The following ICA1 variants were observed in gnomAD, a reference collection of about 807,000 sequenced individuals.
The protein encoded by ICA1 is islet cell autoantigen 1.
Under a neutral mutation model 71.0 loss-of-function variants are expected in ICA1, and 40 were observed. That is an observed-to-expected ratio of 0.56 (90% CI 0.44 to 0.73). The LOEUF is 0.73. ICA1 is among the 30% of genes least tolerant of loss of function. The pLI is 0.00. For missense variants in ICA1, 578 were observed against 576.5 expected (o/e 1.00, Z -0.03); for synonymous variants, 207 against 209.5 (o/e 0.99, Z 0.10).
intron 6 of ICA1, among the ~76,000 whole-genome samples, chr7:8,159,824 A>G (rs1803086707): frequency 6.6e-6 from 1 of 152,212 alleles, no homozygotes; most frequent in South Asian, 2.1e-4. Flanking sequence ...AAAACCAGCC[A>G]ATTTTTCAAA....
rs528098283 is a variant in ICA1, at chr7:8,124,444, T to C, written c.1330+3429A>G. 2.1e-5 allele frequency among the ~76,000 whole-genome samples: 3 copies of C among 145,026 alleles called. No individual in the cohort carries two copies. The East Asian group carries it at 6.0e-4, about 29-fold the overall frequency. On this transcript the variant is annotated intron_variant, in intron 13 of 13. Coordinates refer to ENST00000402384, the MANE Select transcript of ICA1 (RefSeq NM_001136020.3). ...GTGTATAGGTAGATTTTCTAGGCCA[T>C]GAATGCAGTGAAAAAAAAAAAAAAA...
chr7:8,227,310 C>A (rs987951597), intron 4 of ICA1, among the ~76,000 whole-genome samples: 1 of 152,072 alleles, frequency 6.6e-6, no homozygotes, highest in African/African-American at 2.4e-5. Context: ...GTTAGTAAAC[C>A]AAGTGAGAGA....
chr7:8,115,920 G>A (rs1784658585), intron 13 of ICA1, among the ~76,000 whole-genome samples: 1 of 152,174 alleles, frequency 6.6e-6, no homozygotes, highest in Non-Finnish European at 1.5e-5. Flanking sequence ...GGTATTTCTG[G>A]CTAAAAATAG....
intron 6 of ICA1, among the ~76,000 whole-genome samples, chr7:8,182,981 T>C (rs1782681230): frequency 6.6e-6 from 1 of 152,212 alleles, no homozygotes; most frequent in Non-Finnish European, 1.5e-5. Flanking sequence ...ACAGGGGACA[T>C]GCAATGACTA....
intron 4 of ICA1, among the ~76,000 whole-genome samples, chr7:8,225,580 C>T (rs1164063449): frequency 6.6e-6 from 1 of 152,204 alleles, no homozygotes; most frequent in East Asian, 1.9e-4. Context: ...CAGATGTACT[C>T]ACTGCTATGG....
Position 8,235,937 on chromosome 7 carries a change from TC to T in ICA1, c.-12del. On this transcript the variant is annotated 5_prime_UTR_variant, in exon 2 of 14. Transcript: ENST00000402384. ...TTTGTGTCCTGACATGTTTTCTTCT[TC>T]TTCTATTGTTGATGATTTGGGGAGA... The T allele has an allele frequency of 6.2e-7, 1 of 1,613,000 alleles. No homozygotes were observed. The highest frequency in any genetic ancestry group is 1.3e-5 in the African/African-American group (1 of 75,032).
chr7:8,114,544 C>G (rs1488748345), intron 13 of ICA1, among the ~76,000 whole-genome samples: 2 of 152,208 alleles, frequency 1.3e-5, no homozygotes, highest in Admixed American at 1.3e-4. Context: ...GGCTTCTCCT[C>G]TTCTCTCAGG....
chr7:8,216,547 G>A (rs1023452543), intron 6 of ICA1, among the ~76,000 whole-genome samples: 8 of 145,684 alleles, frequency 5.5e-5, no homozygotes, highest in African/African-American at 7.9e-5. Flanking sequence ...TTTTTATTTC[G>A]TCCTTACAGT....
intron 6 of ICA1, among the ~76,000 whole-genome samples, chr7:8,195,219 A>C (rs1265600132): frequency 6.6e-6 from 1 of 152,248 alleles, no homozygotes; most frequent in Non-Finnish European, 1.5e-5. Flanking sequence ...ACTGACATCA[A>C]ATGCTGGTGA....
intron 1 of ICA1, among the ~76,000 whole-genome samples, chr7:8,261,526 G>A (rs1408937236): frequency 6.6e-6 from 1 of 152,070 alleles, no homozygotes; most frequent in Non-Finnish European, 1.5e-5. Context: ...CTCGCCCCCG[G>A]GGGACCAAGC....
intron 1 of ICA1, among the ~76,000 whole-genome samples, chr7:8,258,047 A>G (rs75656729): frequency 0.042 from 6,433 of 152,166 alleles, 274 homozygotes; most frequent in African/African-American, 0.11. Context: ...CTCAAGGGCA[A>G]TCTCCTCCAT....
intron 1 of ICA1, among the ~76,000 whole-genome samples, chr7:8,246,947 C>T (rs1052666591): frequency 2.6e-5 from 4 of 152,068 alleles, no homozygotes; most frequent in Admixed American, 6.5e-5. Context: ...GGGGTTTCAC[C>T]GTGTTAGCCA....
chr7:8,134,392 T>G (rs780060282), intron 12 of ICA1, among the ~76,000 whole-genome samples: 1 of 152,190 alleles, frequency 6.6e-6, no homozygotes, highest in Non-Finnish European at 1.5e-5. Flanking sequence ...CTGAGTTTCA[T>G]GACCTCAGCA....
At chr7:8,145,746 G>GTATATATATA (rs199855161) in intron 8 of ICA1, among the ~76,000 whole-genome samples, 11 of 33,486 alleles carry the variant, frequency 3.3e-4, no homozygotes, top group African/African-American at 5.1e-4. Flanking sequence ...TGGAATCATT[G>GTATATATATA]TGTATATATA....
chr7:8,142,894 T>C lies in ICA1; in HGVS notation c.902+981A>G, dbSNP rs144063470. On this transcript the variant is annotated intron_variant, in intron 9 of 13. Coordinates refer to ENST00000402384, the MANE Select transcript of ICA1 (RefSeq NM_001136020.3). ...CAGTCTGTCCTTCAGTGAGAACTTG[T>C]CTTCATTCTGCATCAAAAAATTTAT... Among the ~76,000 whole-genome samples, 821 of 152,334 alleles carry C rather than the reference T, an allele frequency of 5.4e-3. 6 individuals are homozygous for C. The highest frequency in any genetic ancestry group is 0.019 in the African/African-American group (773 of 41,580).
chr7:8,259,452 A>T (rs775015690), intron 1 of ICA1, among the ~76,000 whole-genome samples: 7 of 152,178 alleles, frequency 4.6e-5, no homozygotes, highest in Non-Finnish European at 8.8e-5. Flanking sequence ...AAATTATTTG[A>T]ACTACTCAAA....
chr7:8,168,235 AG>A (rs1258367813), intron 6 of ICA1, among the ~76,000 whole-genome samples: 2 of 152,176 alleles, frequency 1.3e-5, no homozygotes, highest in Non-Finnish European at 2.9e-5. Context: ...TTCATATGAA[AG>A]GATCTAAGAA....
chr7:8,228,798 A>C, intron 3 of ICA1, 125 bp from the exon 4 acceptor site: 1 of 588,786 alleles, frequency 1.7e-6, no homozygotes, highest in East Asian at 2.9e-5. Flanking sequence ...AAGTATGCTT[A>C]GTGTTATGCG....
Position 8,144,110 on chromosome 7 carries a change from T to C in ICA1, c.805-138A>G, listed in dbSNP as rs1375642103. ...CAACCAAACTTTGAATTACAGGTAT[T>C]GGGAGGTGACCTTGAACCAATCAGC... On this transcript the variant is annotated intron_variant, in intron 8 of 13. Coordinates refer to ENST00000402384, the MANE Select transcript of ICA1 (RefSeq NM_001136020.3). This position sits in a 1 kb window ranked among gnomAD's most constrained non-coding sequence, Gnocchi z 4.5. The C allele has an allele frequency of 1.3e-5, 8 of 618,668 alleles. No individual in the cohort carries two copies. The highest frequency in any genetic ancestry group is 2.3e-5 in the Non-Finnish European group (8 of 353,222). 38.3% of individuals were successfully genotyped at this position (618,668 alleles called of 1,614,324 possible). A position where few individuals can be genotyped will look rare whatever the true frequency, so the allele number is the denominator to read the frequency against.
Sources: gnomAD v4.1 joint callset for allele counts (sites outside exome capture counted in the v4.1 genomes callset) on GRCh38, gnomAD v4.1.1 for gene constraint, Gnocchi (gnomAD v3.1) non-coding constraint, MANE v1.5 for transcripts, NCBI Gene and HGNC (gene_info 2026-07-23, HGNC 2026-07-21) for gene names.